The following TRIM3 variants were observed in gnomAD, a reference collection of about 807,000 sequenced individuals.
The protein encoded by TRIM3 is tripartite motif containing 3, also known as tripartite motif-containing protein 3.
Under a neutral mutation model 66.6 loss-of-function variants are expected in TRIM3, and 13 were observed. That is an observed-to-expected ratio of 0.20 (90% confidence interval 0.13 to 0.31). The LOEUF is 0.31. Among genes scored for constraint, TRIM3 ranks in the 10% least tolerant of loss-of-function variants. TRIM3 has a pLI of 1.00. For synonymous variants in TRIM3, 406 were observed against 411.7 expected (o/e 0.99, Z 0.17); for missense variants, 711 against 1,020.4 (o/e 0.70, Z 4.13).
chr11:6,457,516 G>T lies in TRIM3; in HGVS notation c.516-40C>A. The T allele has an allele frequency of 6.3e-7, 1 of 1,599,208 alleles. No individual in the cohort carries two copies. The highest frequency in any genetic ancestry group is 1.3e-5 in the African/African-American group (1 of 74,788). Reference sequence around the variant, plus strand: ...TCTCATTCCAGAGTTGCTGAGGGTGGCTTTGCCGAACTTTCCCTTCTCCCT... The same window carrying T: ...TCTCATTCCAGAGTTGCTGAGGGTGTCTTTGCCGAACTTTCCCTTCTCCCT... On this transcript the variant is annotated intron_variant, in intron 4 of 11. Coordinates refer to ENST00000345851, the MANE Select transcript of TRIM3 (RefSeq NM_033278.4). The surrounding 1 kb of genome is among the most constrained non-coding windows in gnomAD (Gnocchi z 4.5).
chr11:6,467,294 G>C (rs1850508371), intron 1 of TRIM3, among the ~76,000 whole-genome samples: 1 of 152,212 alleles, frequency 6.6e-6, no homozygotes, highest in Non-Finnish European at 1.5e-5. Flanking sequence ...AAACAACAGG[G>C]AGTCAGGAAG....
Position 6,457,216 on chromosome 11 carries a change from G to C in TRIM3, c.696+80C>G. The C allele has an allele frequency of 6.4e-7, 1 of 1,559,354 alleles. No individual in the cohort carries two copies. Among genetic ancestry groups the C allele is most frequent in the Non-Finnish European group, 8.7e-7 (1 of 1,147,788 alleles). The stretch of plus-strand genomic sequence containing the variant: ...ATCTAGGCTGGGGAATGGGGAGCTG[G>C]TGTGGAAGACAGAGGAACAATGGAG... On this transcript the variant is annotated intron_variant, in intron 5 of 11. Transcript: ENST00000345851. This position sits in a 1 kb window ranked among gnomAD's most constrained non-coding sequence, Gnocchi z 4.5.
chr11:6,474,300 C>G (rs1353428320), upstream of TRIM3: 1 of 152,482 alleles, frequency 6.6e-6, no homozygotes, highest in Admixed American at 6.5e-5. Flanking sequence ...GGGAGCCTGT[C>G]TGGGCCGCCT....
chr11:6,457,224 G>T lies in TRIM3; in HGVS notation c.696+72C>A. On this transcript the variant is annotated intron_variant, in intron 5 of 11. Transcript: ENST00000345851. The surrounding 1 kb of genome is among the most constrained non-coding windows in gnomAD (Gnocchi z 4.5). ...TGGGGAATGGGGAGCTGGTGTGGAA[G>T]ACAGAGGAACAATGGAGGCAATAAC... is the stretch of plus-strand genomic sequence containing the variant. 2.5e-6 allele frequency: 4 copies of T among 1,571,794 alleles called. No individual in the cohort carries two copies. Among genetic ancestry groups the T allele is most frequent in the Non-Finnish European group, 2.6e-6 (3 of 1,155,964 alleles).
intron 2 of TRIM3, among the ~76,000 whole-genome samples, chr11:6,460,898 CTTTTTTTTTTTTT>C (rs771919613): frequency 4.0e-5 from 3 of 74,252 alleles, no homozygotes; most frequent in Non-Finnish European, 7.3e-5. Context: ...TTTTTGGTGG[CTTTTTTTTTTTTT>C]TTTTTTTTTT....
At chr11:6,465,757 A>G in intron 1 of TRIM3, 25 bp from the exon 2 acceptor site, 1 of 1,601,242 alleles carries the variant, frequency 6.2e-7, no homozygotes, top group African/African-American at 1.3e-5. Flanking sequence ...GGTCAGCACC[A>G]GGGAGTCCAG....
chr11:6,462,768 T>C (rs1391421863), intron 2 of TRIM3, among the ~76,000 whole-genome samples: 1 of 151,898 alleles, frequency 6.6e-6, no homozygotes. Context: ...CTCTCTAATA[T>C]GGGGATACCT....
intron 7 of TRIM3, among the ~76,000 whole-genome samples, chr11:6,453,437 C>G (rs534158729): frequency 1.3e-5 from 2 of 152,280 alleles, no homozygotes; most frequent in African/African-American, 4.8e-5. Context: ...TCTCCTATAC[C>G]ATGGTATCTG....
At chr11:6,462,977 C>A (rs920794857) in intron 2 of TRIM3, among the ~76,000 whole-genome samples, 2 of 152,074 alleles carry the variant, frequency 1.3e-5, no homozygotes, top group East Asian at 3.9e-4. Context: ...GAGGCTGAGG[C>A]GGGCAGATCA....
At chr11:6,471,568 C>T (rs1303422242) in intron 1 of TRIM3, among the ~76,000 whole-genome samples, 4 of 152,228 alleles carry the variant, frequency 2.6e-5, no homozygotes, top group African/African-American at 9.6e-5. Flanking sequence ...GGGCCAGGTC[C>T]TTCAGCTGTG....
At chr11:6,469,270 CA>C (rs555243090) in intron 1 of TRIM3, among the ~76,000 whole-genome samples, 1 of 152,184 alleles carries the variant, frequency 6.6e-6, no homozygotes, top group Admixed American at 6.5e-5. Context: ...GACTGTCACA[CA>C]GGGGCGGGGA....
intron 1 of TRIM3, among the ~76,000 whole-genome samples, chr11:6,466,783 A>C (rs1850489168): frequency 6.6e-6 from 1 of 152,076 alleles, no homozygotes; most frequent in African/African-American, 2.4e-5. Context: ...GACTACCCAG[A>C]GTCTGGCTTG....
chr11:6,461,688 TC>T (rs1850247240), intron 2 of TRIM3, among the ~76,000 whole-genome samples: 1 of 152,150 alleles, frequency 6.6e-6, no homozygotes, highest in African/African-American at 2.4e-5. Context: ...ATCTAGTGTT[TC>T]CCCATGCAAA....
intron 2 of TRIM3, among the ~76,000 whole-genome samples, chr11:6,459,640 A>G (rs959289783): frequency 2.6e-5 from 4 of 152,244 alleles, no homozygotes; most frequent in Non-Finnish European, 4.4e-5. Context: ...TAGGAAGTGA[A>G]GAAGACCTGG....
At chr11:6,459,988 G>A (rs1053118681) in intron 2 of TRIM3, among the ~76,000 whole-genome samples, 3 of 152,188 alleles carry the variant, frequency 2.0e-5, no homozygotes, top group African/African-American at 7.2e-5. Context: ...GATGGCTTCG[G>A]TAGCACTGGG....
rs1282351605 is a variant in TRIM3 at position 6,449,170 on chromosome 11, C to T, written c.2093G>A (p.Ser698Asn). 5 of 1,613,982 alleles carry T rather than the reference C, an allele frequency of 3.1e-6. No individual in the cohort carries two copies. The highest frequency in any genetic ancestry group is 3.4e-6 in the Non-Finnish European group (4 of 1,179,948). ...GATATAGGACAGGAAGGAGCCAGAG[C>T]TGTCGAATACCTGGGGAAGGAGTGC... is the stretch of plus-strand genomic sequence containing the variant. The part of the protein sequence containing the change: ...WGNSRIQVFD[S>N]SGSFLSYINT... The change falls in exon 12 of 12, where the codon AGC (serine) becomes AAC (asparagine). Residue 698 changes from serine to asparagine, a missense_variant. Ser to Asn is a conservative substitution (Grantham distance 46). Coordinates refer to ENST00000345851, the MANE Select transcript of TRIM3 (RefSeq NM_033278.4). This position sits in a 1 kb window ranked among gnomAD's most constrained non-coding sequence, Gnocchi z 5.3.
intron 2 of TRIM3, among the ~76,000 whole-genome samples, chr11:6,464,986 CAAA>C (rs544959608): frequency 1.4e-3 from 76 of 54,156 alleles, no homozygotes; most frequent in African/African-American, 4.1e-3. Context: ...GACTCCATCT[CAAA>C]AAAAAAAAAA....
rs1188375527 is a variant in TRIM3, at chr11:6,448,752, A to C, written c.*276T>G. The C allele has an allele frequency of 1.6e-6, 1 of 613,968 alleles. No individual in the cohort carries two copies. The highest frequency in any genetic ancestry group is 2.9e-6 in the Non-Finnish European group (1 of 345,990). The allele number at this position is 613,968 out of a possible 1,614,324, so 38.0% of individuals were successfully genotyped here. The stretch of plus-strand genomic sequence containing the variant: ...GGCCCCAGGCTGGGGGATGGGGAGC[A>C]GACTGACAGGGGTGGGGAGGTGTGT... On this transcript the variant is annotated 3_prime_UTR_variant, in exon 12 of 12. Transcript: ENST00000345851.
intron 7 of TRIM3, 69 bp from the exon 8 acceptor site, chr11:6,451,507 T>TAGGA (rs1849719144): frequency 6.5e-7 from 1 of 1,549,002 alleles, no homozygotes; most frequent in Non-Finnish European, 8.8e-7. Flanking sequence ...CAGAAGGGAG[T>TAGGA]AGGATCCTGA....
Sources: allele counts gnomAD v4.1 joint callset (sites outside exome capture counted in the v4.1 genomes callset), GRCh38; gene constraint gnomAD v4.1.1; non-coding constraint Gnocchi (gnomAD v3.1); transcripts MANE v1.5; gene names NCBI Gene and HGNC (gene_info 2026-07-23, HGNC 2026-07-21).